The following NELL1 variants were observed in gnomAD, a reference collection of about 807,000 sequenced individuals.
NELL1 encodes protein kinase C-binding protein NELL1.
In NELL1, 76 loss-of-function variants were observed where a neutral mutation model predicts 107.4. That is an observed-to-expected ratio of 0.71 (90% CI 0.59 to 0.86). The LOEUF is 0.86. Among genes scored for constraint, NELL1 ranks in the 40% least tolerant of loss-of-function variants. The pLI is 0.00. For synonymous variants in NELL1, 353 were observed against 341.2 expected (o/e 1.03, Z -0.38); for missense variants, 1,024 against 1,005.5 (o/e 1.02, Z -0.25).
At chr11:21,315,750 A>G (rs1849866180) in intron 14 of NELL1, among the ~76,000 whole-genome samples, 2 of 152,114 alleles carry the variant, frequency 1.3e-5, no homozygotes, top group South Asian at 4.1e-4. Flanking sequence ...AATCAACAGC[A>G]TTTTCCCCCA....
chr11:21,326,356 C>T (rs1421453393), intron 14 of NELL1, among the ~76,000 whole-genome samples: 1 of 151,584 alleles, frequency 6.6e-6, no homozygotes, highest in East Asian at 1.9e-4. Flanking sequence ...TCATCAGAGA[C>T]AAACTTCAAA....
intron 14 of NELL1, among the ~76,000 whole-genome samples, chr11:21,268,714 C>G (rs1016244164): frequency 3.3e-5 from 5 of 152,072 alleles, no homozygotes; most frequent in African/African-American, 1.2e-4. Flanking sequence ...TATTACAGTC[C>G]CTTTTACATA....
chr11:21,453,161 T>C (rs1465856165), intron 15 of NELL1, among the ~76,000 whole-genome samples: 1 of 151,352 alleles, frequency 6.6e-6, no homozygotes, highest in Non-Finnish European at 1.5e-5. Context: ...TCCATATTAT[T>C]GCTCATTTAT....
intron 16 of NELL1, among the ~76,000 whole-genome samples, chr11:21,546,243 T>G (rs1315622261): frequency 6.6e-6 from 1 of 152,032 alleles, no homozygotes; most frequent in African/African-American, 2.4e-5. Context: ...GGAGATTCAC[T>G]GCTTTCCTTT....
chr11:20,885,111 A>G (rs749491483), intron 4 of NELL1, among the ~76,000 whole-genome samples: 2 of 152,212 alleles, frequency 1.3e-5, no homozygotes, highest in Non-Finnish European at 2.9e-5. Context: ...TAACTCATTT[A>G]TGATTCCTAA....
chr11:21,199,009 A>G (rs778468076), intron 13 of NELL1, among the ~76,000 whole-genome samples: 24 of 152,190 alleles, frequency 1.6e-4, no homozygotes, highest in East Asian at 3.9e-4. Flanking sequence ...TGTCTTCACC[A>G]TTGTATTTCT....
chr11:21,434,195 A>G (rs1194204939), intron 15 of NELL1, among the ~76,000 whole-genome samples: 4 of 151,984 alleles, frequency 2.6e-5, no homozygotes, highest in Admixed American at 1.3e-4. Flanking sequence ...TTTTTGATTG[A>G]TATAGCCCCA....
At chr11:21,376,426 C>T (rs933590025) in intron 15 of NELL1, among the ~76,000 whole-genome samples, 1 of 151,908 alleles carries the variant, frequency 6.6e-6, no homozygotes, top group Admixed American at 6.6e-5. Flanking sequence ...TTTACAAGTA[C>T]CATGCTGTTT....
intron 14 of NELL1, among the ~76,000 whole-genome samples, chr11:21,297,791 G>A (rs1849404356): frequency 6.6e-6 from 1 of 151,932 alleles, no homozygotes; most frequent in African/African-American, 2.4e-5. Context: ...GGTATAAGCA[G>A]GATCTATGAG....
At chr11:21,368,109 A>T (rs1021354227) in intron 14 of NELL1, among the ~76,000 whole-genome samples, 1 of 152,242 alleles carries the variant, frequency 6.6e-6, no homozygotes, top group Admixed American at 6.5e-5. Context: ...AAAGTATTTT[A>T]TGTTTTTGAT....
At chr11:21,198,022 A>T (rs1474518868) in intron 13 of NELL1, among the ~76,000 whole-genome samples, 1 of 152,188 alleles carries the variant, frequency 6.6e-6, no homozygotes, top group Admixed American at 6.6e-5. Flanking sequence ...TATCTCTTTG[A>T]TATCCGGACC....
intron 7 of NELL1, among the ~76,000 whole-genome samples, chr11:20,926,325 T>C (rs557256304): frequency 6.6e-6 from 1 of 152,192 alleles, no homozygotes; most frequent in East Asian, 1.9e-4. Context: ...TGGAATCATA[T>C]CATGAGGAGC....
chr11:21,051,334 T>C (rs1853487664), intron 12 of NELL1, among the ~76,000 whole-genome samples: 1 of 152,048 alleles, frequency 6.6e-6, no homozygotes, highest in African/African-American at 2.4e-5. Flanking sequence ...AGCTAAGCTA[T>C]GAGGACACAA....
intron 3 of NELL1, among the ~76,000 whole-genome samples, chr11:20,814,534 G>A (rs2134017194): frequency 6.6e-6 from 1 of 152,338 alleles, no homozygotes; most frequent in Non-Finnish European, 1.5e-5. Context: ...CCACTTATAA[G>A]TGAGAACATG....
intron 13 of NELL1, among the ~76,000 whole-genome samples, chr11:21,223,657 A>T (rs1857818545): frequency 6.6e-6 from 1 of 151,710 alleles, no homozygotes; most frequent in African/African-American, 2.4e-5. Flanking sequence ...TTCTTCTCTT[A>T]TTGTTTATTT....
At chr11:20,711,716 C>G (rs890926708) in intron 2 of NELL1, among the ~76,000 whole-genome samples, 1 of 152,072 alleles carries the variant, frequency 6.6e-6, no homozygotes, top group African/African-American at 2.4e-5. Context: ...ACCCCAACCC[C>G]TTTTGGCTTG....
At chr11:21,085,907 C>T (rs1278912320) in intron 12 of NELL1, among the ~76,000 whole-genome samples, 1 of 152,184 alleles carries the variant, frequency 6.6e-6, no homozygotes, top group Non-Finnish European at 1.5e-5. Flanking sequence ...ACAAAAGTGG[C>T]TCAGGCTGTG....
At chr11:20,899,079 T>C (rs988052816) in intron 5 of NELL1, among the ~76,000 whole-genome samples, 17 of 152,124 alleles carry the variant, frequency 1.1e-4, no homozygotes, top group African/African-American at 4.1e-4. Context: ...TCGCAATAAC[T>C]TATAGATCAA....
At chr11:21,518,075 A>G (rs999691400) in intron 15 of NELL1, among the ~76,000 whole-genome samples, 4 of 151,316 alleles carry the variant, frequency 2.6e-5, no homozygotes, top group Non-Finnish European at 5.9e-5. Context: ...CATAAACCCT[A>G]GTGCTTCTAT....
Sources: allele counts gnomAD v4.1 joint callset (sites outside exome capture counted in the v4.1 genomes callset), GRCh38; gene constraint gnomAD v4.1.1; transcripts MANE v1.5; gene names NCBI Gene and HGNC (gene_info 2026-07-23, HGNC 2026-07-21).